TRMT11: variants seen among roughly 807,000 people sequenced by gnomAD.
TRMT11 encodes the protein tRNA (guanine(10)-N(2))-methyltransferase TRMT11.
TRMT11 carries 53 observed loss-of-function variants against 62.8 expected under a neutral mutation model. That is an observed-to-expected ratio of 0.84 (90% confidence interval 0.68 to 1.06). The LOEUF (loss-of-function observed/expected upper bound fraction) is 1.06, where lower values mean the gene tolerates loss of function less well. TRMT11 is among the 50% of genes least tolerant of loss of function. The pLI is 0.00. For synonymous variants in TRMT11, 188 were observed against 190.3 expected (o/e 0.99, Z 0.10); for missense variants, 556 against 553.4 (o/e 1.00, Z -0.05).
intron 11 of TRMT11, among the ~76,000 whole-genome samples, chr6:126,020,869 G>A (rs1795715255): frequency 6.6e-6 from 1 of 152,144 alleles, no homozygotes; most frequent in African/African-American, 2.4e-5. Flanking sequence ...CTGTAGGGTG[G>A]AATCATCTTG....
Position 126,095,553 on chromosome 6 carries a change from G to A in TRMT11, c.*1438-17313G>A, listed in dbSNP as rs1030388733. Among the ~76,000 whole-genome samples the A allele has an allele frequency of 2.6e-5, 4 of 152,304 alleles. No individual in the cohort carries two copies. In the South Asian group the frequency reaches 6.2e-4, roughly 24 times the overall value. ...CAATTTGGCTTTCAATGTAGATCAC[G>A]TTATTCAGTCAGCAAACATTTCTTG... On this transcript the variant is annotated intron_variant and NMD_transcript_variant, in intron 17 of 22. Transcript: ENST00000648977.
chr6:126,131,855 T>A (rs940436383), intron 21 of TRMT11, among the ~76,000 whole-genome samples: 1 of 152,014 alleles, frequency 6.6e-6, no homozygotes, highest in Non-Finnish European at 1.5e-5. Flanking sequence ...CTGATGAGTA[T>A]GATATAAAAC....
intron 12 of TRMT11, among the ~76,000 whole-genome samples, chr6:126,038,061 T>C (rs995563735): frequency 3.3e-5 from 5 of 152,038 alleles, no homozygotes; most frequent in African/African-American, 1.2e-4. Flanking sequence ...AGCCAAAATA[T>C]GTTTGACATT....
At chr6:125,991,017 C>T (rs1410282847) in intron 1 of TRMT11, among the ~76,000 whole-genome samples, 5 of 151,758 alleles carry the variant, frequency 3.3e-5, no homozygotes, top group Non-Finnish European at 7.4e-5. Context: ...GAGGCTGAGG[C>T]GGGCGGATCA....
At chr6:126,079,480 A>C (rs1307895897) in intron 17 of TRMT11, among the ~76,000 whole-genome samples, 1 of 152,174 alleles carries the variant, frequency 6.6e-6, no homozygotes, top group Non-Finnish European at 1.5e-5. Flanking sequence ...TCCCGACTAC[A>C]TTCCTCTAGA....
At chr6:126,143,568 T>C (rs745960328) in intron 21 of TRMT11, among the ~76,000 whole-genome samples, 10 of 152,188 alleles carry the variant, frequency 6.6e-5, no homozygotes, top group South Asian at 2.1e-4. Flanking sequence ...GTCTCTGTTA[T>C]TGTCATTTAG....
At chr6:126,049,543 G>A (rs551876233) in intron 16 of TRMT11, among the ~76,000 whole-genome samples, 1 of 151,852 alleles carries the variant, frequency 6.6e-6, no homozygotes, top group East Asian at 1.9e-4. Context: ...TGTAATACAT[G>A]TTCTAAGGCT....
intron 1 of TRMT11, among the ~76,000 whole-genome samples, chr6:126,190,893 G>A (rs1778590452): frequency 6.6e-6 from 1 of 152,158 alleles, no homozygotes; most frequent in Non-Finnish European, 1.5e-5. Flanking sequence ...AAATAGTGCT[G>A]CAATAGACAC....
At chr6:126,261,329 G>C in the TRMT11 span, among the ~76,000 whole-genome samples, 8 of 151,976 alleles carry the variant, frequency 5.3e-5, no homozygotes, top group African/African-American at 1.9e-4. Flanking sequence ...ATAATGAATT[G>C]CTTTTCTGAT....
chr6:126,037,193 A>C (rs1169287561), intron 12 of TRMT11, among the ~76,000 whole-genome samples: 1 of 151,638 alleles, frequency 6.6e-6, no homozygotes, highest in Non-Finnish European at 1.5e-5. Flanking sequence ...TTAGAGTCAA[A>C]CAGATCTGTG....
Position 126,021,203 on chromosome 6 carries a change from G to A in TRMT11, c.1183G>A (p.Val395Ile), listed in dbSNP as rs376114052. The A allele has an allele frequency of 4.3e-5, 70 of 1,614,150 alleles. No individual in the cohort carries two copies. Among genetic ancestry groups the A allele is most frequent in the Middle Eastern group, 1.7e-4 (1 of 6,054 alleles). Residue 395 changes from valine (V) to isoleucine (I), a missense_variant, in exon 12 of 13, where the codon GTT (valine) becomes ATT (isoleucine). Transcript: ENST00000334379. ...MVPWHPCLEL[V>I]SNCEQKLSSH... ...GCCTTGGCACCCTTGCCTGGAACTC[G>A]TTAGCAACTGCGAGCAGAAGCTTTC...
intron 1 of TRMT11, among the ~76,000 whole-genome samples, chr6:126,180,034 T>G (rs17053807): frequency 0.12 from 18,035 of 152,058 alleles, 3,557 homozygotes; most frequent in African/African-American, 0.41. Flanking sequence ...TGAATCAAAT[T>G]TCCTTTGTTA....
chr6:126,253,449 C>A, the TRMT11 span, among the ~76,000 whole-genome samples: 1 of 152,102 alleles, frequency 6.6e-6, no homozygotes, highest in Non-Finnish European at 1.5e-5. Flanking sequence ...ATACATAAAC[C>A]AGTAACATAG....
In TRMT11 at chr6:125,998,664, A is replaced by T. The variant is rs1286091358; in HGVS notation, c.502A>T (p.Asn168Tyr). 4 of 1,612,286 alleles carry T rather than the reference A, an allele frequency of 2.5e-6. No individual in the cohort carries two copies. Among genetic ancestry groups the T allele is most frequent in the Non-Finnish European group, 3.4e-6 (4 of 1,179,372 alleles). The change falls in exon 6 of 13, where the codon AAT becomes TAT. Residue 168 changes from asparagine (N) to tyrosine (Y), a missense_variant. Asn to Tyr is a moderately radical substitution (Grantham distance 143). Coordinates refer to ENST00000334379, the MANE Select transcript of TRMT11 (RefSeq NM_001031712.3). ...AAACTGCATCCCTGAGAATCCACAT[A>T]ATATTTATTTTGGTAGATGGGTGAG... ...DPNCIPENPH[N>Y]IYFGRWIADG...
the TRMT11 span, among the ~76,000 whole-genome samples, chr6:126,237,938 G>A: frequency 2.0e-5 from 3 of 152,110 alleles, no homozygotes; most frequent in Admixed American, 6.5e-5. Context: ...GTTTAGTCTT[G>A]GGAGGGTGTA....
intron 1 of TRMT11, among the ~76,000 whole-genome samples, chr6:125,988,264 G>T (rs532580073): frequency 3.7e-4 from 57 of 152,360 alleles, no homozygotes; most frequent in Middle Eastern, 3.4e-3. Flanking sequence ...TTGAGTTTTA[G>T]TAGGAGAAGC....
chr6:126,024,444 A>G (rs888158691), intron 12 of TRMT11, among the ~76,000 whole-genome samples: 13 of 152,150 alleles, frequency 8.5e-5, no homozygotes, highest in African/African-American at 2.2e-4. Flanking sequence ...GTCTCACTCT[A>G]TCACCCAGGC....
intron 4 of TRMT11, 38 bp downstream of exon 4, chr6:125,998,172 CAGATTCTGT>C: frequency 1.3e-6 from 2 of 1,593,904 alleles, no homozygotes; most frequent in Admixed American, 3.3e-5. Flanking sequence ...GGCATGCGTG[CAGATTCTGT>C]AGAATTAAAA....
At chr6:126,244,093 C>A in the TRMT11 span, among the ~76,000 whole-genome samples, 2 of 151,744 alleles carry the variant, frequency 1.3e-5, no homozygotes. Flanking sequence ...TAGCATTGAA[C>A]AAAATAGACT....
Sources: gnomAD v4.1 joint callset for allele counts (sites outside exome capture counted in the v4.1 genomes callset) on GRCh38, gnomAD v4.1.1 for gene constraint, MANE v1.5 for transcripts, NCBI Gene and HGNC (gene_info 2026-07-23, HGNC 2026-07-21) for gene names.